The following PLEKHA7 variants were observed in gnomAD, a reference collection of about 807,000 sequenced individuals.
The protein encoded by PLEKHA7 is pleckstrin homology domain-containing family A member 7.
PLEKHA7 carries 104 observed loss-of-function variants against 170.0 expected under a neutral mutation model. The ratio of observed to expected loss-of-function variants is 0.61; its 90% confidence interval spans 0.52 to 0.72. The LOEUF is 0.72. Ranked by LOEUF, PLEKHA7 falls within the 30% of genes least tolerant of loss-of-function variation. PLEKHA7 has a pLI of 0.00. For missense variants in PLEKHA7, 1,615 were observed against 1,671.7 expected (o/e 0.97, Z 0.59); for synonymous variants, 648 against 660.8 (o/e 0.98, Z 0.30).
chr11:16,799,784 C>T (rs117848400), intron 17 of PLEKHA7, among the ~76,000 whole-genome samples: 19 of 152,304 alleles, frequency 1.2e-4, no homozygotes, highest in South Asian at 1.2e-3. Flanking sequence ...GGGAGGAAAA[C>T]GACCCCAACA....
intron 3 of PLEKHA7, among the ~76,000 whole-genome samples, chr11:16,912,785 T>C (rs1436471829): frequency 6.6e-6 from 1 of 152,138 alleles, no homozygotes; most frequent in African/African-American, 2.4e-5. Flanking sequence ...TCTGGGCTTC[T>C]AGCCATGCTC....
intron 3 of PLEKHA7, among the ~76,000 whole-genome samples, chr11:16,955,868 G>C (rs1471524360): frequency 6.6e-6 from 1 of 152,190 alleles, no homozygotes; most frequent in African/African-American, 2.4e-5. Flanking sequence ...TATCTAGAAA[G>C]AGGGGGATTC....
intron 3 of PLEKHA7, among the ~76,000 whole-genome samples, chr11:16,874,295 C>T (rs1855107716): frequency 6.6e-6 from 1 of 151,972 alleles, no homozygotes; most frequent in South Asian, 2.1e-4. Flanking sequence ...TCACTTAAGC[C>T]CAGGAGTTTG....
chr11:16,789,404 C>T lies in PLEKHA7; in HGVS notation c.3157-108G>A. 9.4e-7 allele frequency: 1 copy of T among 1,059,372 alleles called. No homozygotes were observed. The highest frequency in any genetic ancestry group is 1.4e-6 in the Non-Finnish European group (1 of 705,558). 65.6% of individuals were successfully genotyped at this position (1,059,372 alleles called of 1,614,324 possible). On this transcript the variant is annotated intron_variant, in intron 22 of 26. Transcript: ENST00000531066. This position sits in a 1 kb window ranked among gnomAD's most constrained non-coding sequence, Gnocchi z 4.6. Reference sequence around the variant, plus strand: ...CCGTTGTCTCTCTCTCACACACATGCACACTCTAGTTGGGCTCCTCTTGGC... The same window carrying T: ...CCGTTGTCTCTCTCTCACACACATGTACACTCTAGTTGGGCTCCTCTTGGC...
chr11:16,823,567 A>T (rs956293754), intron 10 of PLEKHA7, among the ~76,000 whole-genome samples: 8 of 152,176 alleles, frequency 5.3e-5, no homozygotes, highest in African/African-American at 1.9e-4. Context: ...ATATTCCCAA[A>T]GTACCACTTT....
At chr11:16,992,801 T>C (rs896168367) in intron 3 of PLEKHA7, among the ~76,000 whole-genome samples, 3 of 149,590 alleles carry the variant, frequency 2.0e-5, no homozygotes, top group African/African-American at 7.4e-5. Context: ...AGAATCAGAA[T>C]ACACCAACCA....
chr11:16,920,442 CAAACA>C (rs754501302), intron 3 of PLEKHA7, among the ~76,000 whole-genome samples: 2 of 151,626 alleles, frequency 1.3e-5, no homozygotes, highest in African/African-American at 4.8e-5. Context: ...CATTTCTAAA[CAAACA>C]AAACAAAGAG....
chr11:16,828,721 C>T (rs907586542), intron 9 of PLEKHA7, among the ~76,000 whole-genome samples: 1 of 152,226 alleles, frequency 6.6e-6, no homozygotes, highest in Non-Finnish European at 1.5e-5. Flanking sequence ...CTTTCTCCTA[C>T]CCTCAGTCCA....
At chr11:17,013,957 C>T in intron 3 of PLEKHA7, 32 bp downstream of exon 3, 1 of 1,524,302 alleles carries the variant, frequency 6.6e-7, no homozygotes. Context: ...CCCCGCGGCA[C>T]AGGTGCGAGC....
At chr11:16,946,970 T>C (rs531733952) in intron 3 of PLEKHA7, among the ~76,000 whole-genome samples, 1 of 152,178 alleles carries the variant, frequency 6.6e-6, no homozygotes, top group Non-Finnish European at 1.5e-5. Context: ...AAGGGTAAAG[T>C]GATTGGGTCA....
At chr11:16,954,151 C>CA (rs1375563503) in intron 3 of PLEKHA7, among the ~76,000 whole-genome samples, 20 of 152,026 alleles carry the variant, frequency 1.3e-4, no homozygotes, top group Admixed American at 1.3e-3. Flanking sequence ...AAACAATAGC[C>CA]AAAAAATAAG....
chr11:16,902,954 A>C (rs1056403335), intron 3 of PLEKHA7, among the ~76,000 whole-genome samples: 2 of 152,200 alleles, frequency 1.3e-5, no homozygotes, highest in Admixed American at 6.5e-5. Context: ...ATAAGGAGAG[A>C]GCCTAAGATC....
intron 13 of PLEKHA7, among the ~76,000 whole-genome samples, chr11:16,806,528 C>T (rs1243911287): frequency 1.3e-5 from 2 of 152,180 alleles, no homozygotes; most frequent in African/African-American, 4.8e-5. Flanking sequence ...ACATCCCAAC[C>T]CACTTTCTCA....
intron 3 of PLEKHA7, among the ~76,000 whole-genome samples, chr11:16,907,432 A>G (rs1590573098): frequency 1.8e-5 from 2 of 110,354 alleles, no homozygotes; most frequent in African/African-American, 3.5e-5. Flanking sequence ...CCGGGAGGTG[A>G]GGGGCGCCTC....
chr11:16,864,393 A>C (rs35449646), intron 4 of PLEKHA7, among the ~76,000 whole-genome samples: 5,843 of 152,298 alleles, frequency 0.038, 194 homozygotes, highest in African/African-American at 0.084. Flanking sequence ...TATTTATTTT[A>C]AAAGCTCCCA....
chr11:16,795,814 T>C (rs1848185616), intron 17 of PLEKHA7, among the ~76,000 whole-genome samples: 1 of 149,222 alleles, frequency 6.7e-6, no homozygotes, highest in South Asian at 2.1e-4. Flanking sequence ...ATAAAGGTGG[T>C]AAATTTATGT....
intron 3 of PLEKHA7, among the ~76,000 whole-genome samples, chr11:16,874,856 T>C (rs1246887313): frequency 6.6e-6 from 1 of 152,198 alleles, no homozygotes; most frequent in Non-Finnish European, 1.5e-5. Context: ...ATCTTCTATG[T>C]GCCTGGGGCA....
Position 16,801,685 on chromosome 11 carries a change from G to C in PLEKHA7, c.2290C>G (p.Leu764Val). Residue 764 changes from leucine (L) to valine (V), a missense_variant, in exon 16 of 27, where the codon CTC becomes GTC. By Grantham distance (32) the Leu-to-Val change is conservative. Transcript: ENST00000531066. ...QEDLVHIRAE[L>V]SRESTEMENA... is the part of the protein sequence containing the mutation. ...CTACGCACAGTGGACTCTCTGGAGA[G>C]CTCAGCTCGGATATGGACAAGGTCC... 6.2e-7 allele frequency: 1 copy of C among 1,614,148 alleles called. No individual in the cohort carries two copies. The highest frequency in any genetic ancestry group is 8.5e-7 in the Non-Finnish European group (1 of 1,180,016).
chr11:17,013,963 C>A (rs1316594994), intron 3 of PLEKHA7, 26 bp downstream of exon 3: 28 of 1,526,988 alleles, frequency 1.8e-5, no homozygotes, highest in Non-Finnish European at 2.5e-5. Context: ...GGCACAGGTG[C>A]GAGCGCGGCG....
Sources: gnomAD v4.1 joint callset for allele counts (sites outside exome capture counted in the v4.1 genomes callset) on GRCh38, gnomAD v4.1.1 for gene constraint, Gnocchi (gnomAD v3.1) non-coding constraint, MANE v1.5 for transcripts, NCBI Gene and HGNC (gene_info 2026-07-23, HGNC 2026-07-21) for gene names.